Variants in GGT5 observed in about 807,000 individuals in gnomAD.
The protein encoded by GGT5 is gamma-glutamyltransferase 5.
GGT5 carries 50 observed loss-of-function variants against 58.1 expected under a neutral mutation model. That is an observed-to-expected ratio of 0.86 (90% CI 0.69 to 1.09). The LOEUF (loss-of-function observed/expected upper bound fraction) is 1.09, where lower values mean the gene tolerates loss of function less well. Ranked by LOEUF, GGT5 falls within the 50% of genes least tolerant of loss-of-function variation. GGT5 has a pLI of 0.00. For synonymous variants in GGT5, 370 were observed against 346.1 expected (o/e 1.07, Z -0.77); for missense variants, 800 against 789.4 (o/e 1.01, Z -0.16).
intron 5 of GGT5, 57 bp downstream of exon 5, chr22:24,231,994 C>T: frequency 6.7e-7 from 1 of 1,482,640 alleles, no homozygotes. Flanking sequence ...CCCCCAGTGC[C>T]CAGAACTTGG....
At chr22:24,238,889 TTTTATA>T (rs2048227809) in intron 1 of GGT5, among the ~76,000 whole-genome samples, 1 of 8,890 alleles carries the variant, frequency 1.1e-4, no homozygotes, top group Non-Finnish European at 1.7e-4. Flanking sequence ...ATATTATATA[TTTTATA>T]TATATATATA....
chr22:24,226,066 C>T lies in GGT5; in HGVS notation c.1229+10G>A, dbSNP rs769137673. On this transcript the variant is annotated intron_variant, in intron 8 of 11. Coordinates refer to ENST00000327365, the MANE Select transcript of GGT5 (RefSeq NM_004121.5). The stretch of plus-strand genomic sequence containing the variant: ...GTGAAGCCATCCGCCTTCCCCCAGG[C>T]CCTACGCACGGTGTGTTGATGGTGC... The T allele has an allele frequency of 1.3e-6, 2 of 1,562,426 alleles. No homozygotes were observed. The highest frequency in any genetic ancestry group is 1.8e-5 in the Admixed American group (1 of 55,304).
intron 6 of GGT5, among the ~76,000 whole-genome samples, chr22:24,230,077 A>G (rs1458628415): frequency 6.6e-6 from 1 of 152,082 alleles, no homozygotes; most frequent in Non-Finnish European, 1.5e-5. Context: ...TACTAAAAAG[A>G]TAAAAATCAT....
chr22:24,235,097 T>C (rs997040211), intron 1 of GGT5, among the ~76,000 whole-genome samples: 5 of 147,484 alleles, frequency 3.4e-5, no homozygotes, highest in Non-Finnish European at 7.5e-5. Context: ...TTCAATCTTC[T>C]TGCCCAGGCT....
chr22:24,226,246 C>CA lies in GGT5; in HGVS notation c.1058dup (p.Glu355GlyfsTer158). 1 of 1,604,206 alleles carries CA rather than the reference C, an allele frequency of 6.2e-7. No individual in the cohort carries two copies. Among genetic ancestry groups the CA allele is most frequent in the Non-Finnish European group, 8.5e-7 (1 of 1,177,790 alleles). ...GGATGAGCTGGGCCAGGGTCTCCCCCAGCAGGTCCCGGGAGGCATTCTGGG... is the reference window on the plus strand; with the variant it reads ...GGATGAGCTGGGCCAGGGTCTCCCCCAAGCAGGTCCCGGGAGGCATTCTGGG... On this transcript the variant is annotated frameshift_variant, in exon 8 of 12. Coordinates refer to ENST00000327365, the MANE Select transcript of GGT5 (RefSeq NM_004121.5). LOFTEE classifies it high-confidence loss of function.
At chr22:24,228,535 C>T (rs2047845197) in intron 6 of GGT5, among the ~76,000 whole-genome samples, 1 of 151,262 alleles carries the variant, frequency 6.6e-6, no homozygotes, top group Non-Finnish European at 1.5e-5. Flanking sequence ...ACTGCAAGCT[C>T]TGTCTCCTGG....
At chr22:24,221,077 GAA>G (rs533858165) in intron 11 of GGT5, among the ~76,000 whole-genome samples, 2,766 of 150,704 alleles carry the variant, frequency 0.018, 31 homozygotes, top group African/African-American at 0.021. Flanking sequence ...CTGAGACAGG[GAA>G]AGAGATCTAA....
intron 3 of GGT5, 138 bp downstream of exon 3, chr22:24,233,360 G>A: frequency 1.7e-6 from 1 of 582,332 alleles, no homozygotes; most frequent in Non-Finnish European, 3.0e-6. Context: ...GTTGGGGCTG[G>A]GGGTTCCCCA....
At chr22:24,221,966 G>T (rs557135507) in intron 11 of GGT5, among the ~76,000 whole-genome samples, 12 of 151,726 alleles carry the variant, frequency 7.9e-5, no homozygotes, top group Non-Finnish European at 1.5e-4. Context: ...ATCACCTGAG[G>T]TCAGGAGTTT....
At chr22:24,221,534 A>G (rs972995426) in intron 11 of GGT5, among the ~76,000 whole-genome samples, 3 of 152,140 alleles carry the variant, frequency 2.0e-5, no homozygotes, top group African/African-American at 7.2e-5. Flanking sequence ...TGTTTCTGAG[A>G]TGGAGTCCCG....
At chr22:24,242,800 C>A (rs2048361222) in intron 1 of GGT5, 1 of 152,200 alleles carries the variant, frequency 6.6e-6, no homozygotes, top group African/African-American at 2.4e-5. Flanking sequence ...TGAGGCCCCC[C>A]AGCCAGTCCG....
chr22:24,221,905 C>T (rs546411630), intron 11 of GGT5, among the ~76,000 whole-genome samples: 11 of 151,614 alleles, frequency 7.3e-5, no homozygotes, highest in Admixed American at 2.0e-4. Flanking sequence ...CCTAGCCAGG[C>T]GCGGTGGTCA....
rs371508064 is a variant in GGT5 at position 24,232,281 on chromosome 22, G to A, written c.597-73C>T. The stretch of plus-strand genomic sequence containing the variant: ...CCACACTCTTCCGGGGCTCTCATGG[G>A]TGGAGTCCTCAGGACCCTACAGTGG... On this transcript the variant is annotated intron_variant, in intron 4 of 11. Coordinates refer to ENST00000327365, the MANE Select transcript of GGT5 (RefSeq NM_004121.5). The A allele has an allele frequency of 1.1e-5, 10 of 898,286 alleles. No individual in the cohort carries two copies. The African/African-American group carries it at 1.3e-4, about 12-fold the overall frequency. 55.6% of individuals were successfully genotyped at this position (898,286 alleles called of 1,614,324 possible).
Position 24,233,018 on chromosome 22 carries a change from C to T in GGT5, c.401G>A (p.Gly134Glu), listed in dbSNP as rs2047995049. 1 of 1,522,792 alleles carries T rather than the reference C, an allele frequency of 6.6e-7. No homozygotes were observed. The highest frequency in any genetic ancestry group is 1.4e-5 in the African/African-American group (1 of 72,680). The allele number at this position is 1,522,792 out of a possible 1,614,324, so 94.3% of individuals were successfully genotyped here. ...QCAQALPLGT[G>E]AQWIGVPGEL... The stretch of plus-strand genomic sequence containing the variant: ...CCCGGGCACCCCGATCCACTGGGCC[C>T]CTGCATGGCACATCCCAGCTCTCAA... Residue 134 changes from glycine to glutamate, a missense_variant and splice_region_variant, in exon 4 of 12, where the codon GGG becomes GAG. Coordinates refer to ENST00000327365, the MANE Select transcript of GGT5 (RefSeq NM_004121.5).
intron 1 of GGT5, chr22:24,244,309 ACACACACC>A (rs1267156311): frequency 1.5e-4 from 76 of 494,540 alleles, no homozygotes; most frequent in African/African-American, 1.3e-3. Context: ...ACACACACAC[ACACACACC>A]CACCCACACA....
intron 1 of GGT5, among the ~76,000 whole-genome samples, chr22:24,236,476 T>G (rs1336260533): frequency 6.6e-6 from 1 of 152,142 alleles, no homozygotes; most frequent in Admixed American, 6.6e-5. Flanking sequence ...AAAAATAATC[T>G]GTTAAGGCCG....
At chr22:24,225,453 CA>C in intron 9 of GGT5, 42 bp from the exon 10 acceptor site, 15 of 1,609,088 alleles carry the variant, frequency 9.3e-6, no homozygotes, top group Non-Finnish European at 1.3e-5. Flanking sequence ...GTGACCCATC[CA>C]GGGGTTAGCA....
chr22:24,238,795 TTA>T lies in GGT5; in HGVS notation c.174-4793_174-4792del, dbSNP rs1288032948. Among the ~76,000 whole-genome samples, 79 of 9,728 alleles carry T rather than the reference TTA, an allele frequency of 8.1e-3. 1 individual carries two copies. Among genetic ancestry groups the T allele is most frequent in the African/African-American group, 0.034 (43 of 1,266 alleles). 6.4% of individuals were successfully genotyped at this position (9,728 alleles called of 152,430 possible). On this transcript the variant is annotated intron_variant, in intron 1 of 11. Coordinates refer to ENST00000327365, the MANE Select transcript of GGT5 (RefSeq NM_004121.5). ...TATATATATAATATATATTATATAT[TTA>T]TATATATATAATATATTATATATAT... is the stretch of plus-strand genomic sequence containing the variant.
intron 6 of GGT5, among the ~76,000 whole-genome samples, chr22:24,229,235 C>T (rs1250464148): frequency 6.6e-6 from 1 of 151,182 alleles, no homozygotes; most frequent in Non-Finnish European, 1.5e-5. Context: ...GAAACCCCAT[C>T]TTTACTAATA....
Sources: gnomAD v4.1 joint callset for allele counts (sites outside exome capture counted in the v4.1 genomes callset) on GRCh38, gnomAD v4.1.1 for gene constraint, MANE v1.5 for transcripts, NCBI Gene and HGNC (gene_info 2026-07-23, HGNC 2026-07-21) for gene names.